SPRING1: variants seen among roughly 807,000 people sequenced by gnomAD.
The protein encoded by SPRING1 is SREBF pathway regulator in golgi 1, also known as SREBP regulating gene protein.
Under a neutral mutation model 24.7 loss-of-function variants are expected in SPRING1, and 14 were observed. The observed-to-expected ratio is 0.57, with a 90% CI of 0.37 to 0.88. SPRING1 has a LOEUF of 0.88. Among genes scored for constraint, SPRING1 ranks in the 40% least tolerant of loss-of-function variants. The pLI is 0.00. For missense variants in SPRING1, 255 were observed against 268.4 expected (o/e 0.95, Z 0.35); for synonymous variants, 93 against 106.1 (o/e 0.88, Z 0.76).
At position 116,713,644 on chromosome 12, in the gene SPRING1, T is replaced by C. The variant is rs1001232821; in HGVS notation, c.*4166A>G. 3 of 152,196 alleles carry C rather than the reference T, an allele frequency of 2.0e-5. No homozygotes were observed. The highest frequency in any genetic ancestry group is 7.2e-5 in the African/African-American group (3 of 41,442). 9.4% of individuals were successfully genotyped at this position (152,196 alleles called of 1,614,324 possible). A position where few individuals can be genotyped will look rare whatever the true frequency, so the allele number is the denominator to read the frequency against. On this transcript the variant is annotated 3_prime_UTR_variant, in exon 5 of 5. Transcript: ENST00000261318. ...TTTATCATCAATGCATTATTTGTAG[T>C]AGCAAAAACAACAAGCAGCCTTGGA...
At chr12:116,735,630 G>T (rs1438426326) in intron 1 of SPRING1, among the ~76,000 whole-genome samples, 5 of 152,068 alleles carry the variant, frequency 3.3e-5, no homozygotes, top group Non-Finnish European at 7.4e-5. Flanking sequence ...TACTCAGGAG[G>T]CTAAGGCAGG....
Position 116,720,580 on chromosome 12 carries a change from G to C in SPRING1, c.269-133C>G. 1 of 1,209,362 alleles carries C rather than the reference G, an allele frequency of 8.3e-7. No individual in the cohort carries two copies. Among genetic ancestry groups the C allele is most frequent in the South Asian group, 1.5e-5 (1 of 68,548 alleles). 74.9% of individuals were successfully genotyped at this position (1,209,362 alleles called of 1,614,324 possible). A position where few individuals can be genotyped will look rare whatever the true frequency, so the allele number is the denominator to read the frequency against. ...GGGGCATCATCCTAAGCACCGGAGAGCTGGAAACTGGACATAATGTGAGTG... is the reference window on the plus strand; with the variant it reads ...GGGGCATCATCCTAAGCACCGGAGACCTGGAAACTGGACATAATGTGAGTG... On this transcript the variant is annotated intron_variant, in intron 2 of 4. Transcript: ENST00000261318. This position sits in a 1 kb window ranked among gnomAD's most constrained non-coding sequence, Gnocchi z 4.0.
intron 3 of SPRING1, 65 bp from the exon 4 acceptor site, chr12:116,719,941 T>G (rs1392956612): frequency 1.4e-6 from 2 of 1,382,610 alleles, no homozygotes; most frequent in African/African-American, 2.8e-5. Context: ...ACCTTGGCTA[T>G]CTCTCCTAAA....
rs1869835405 is a variant in SPRING1, at chr12:116,710,722, G to C, written c.*7088C>G. On this transcript the variant is annotated 3_prime_UTR_variant, in exon 5 of 5. Coordinates refer to ENST00000261318, the MANE Select transcript of SPRING1 (RefSeq NM_024738.4). ...GAGAAGGAGGAAGCCCTGGTTTGGAGAAAAACGGGCTCCAGATGGCTGGGC... is the reference window on the plus strand; with the variant it reads ...GAGAAGGAGGAAGCCCTGGTTTGGACAAAAACGGGCTCCAGATGGCTGGGC... The C allele has an allele frequency of 1.3e-5, 2 of 152,204 alleles. No individual in the cohort carries two copies. The highest frequency in any genetic ancestry group is 1.3e-4 in the Admixed American group (2 of 15,274). 9.4% of individuals were successfully genotyped at this position (152,204 alleles called of 1,614,324 possible).
At chr12:116,730,973 A>G (rs1354110124) in intron 1 of SPRING1, among the ~76,000 whole-genome samples, 1 of 152,256 alleles carries the variant, frequency 6.6e-6, no homozygotes, top group Non-Finnish European at 1.5e-5. Context: ...TTCTTTCAAG[A>G]AAAAATAGTG....
intron 1 of SPRING1, among the ~76,000 whole-genome samples, chr12:116,727,822 T>A (rs545420801): frequency 6.6e-6 from 1 of 152,162 alleles, no homozygotes; most frequent in Non-Finnish European, 1.5e-5. Flanking sequence ...TTAGTGAGAT[T>A]ATGGGTAACT....
intron 1 of SPRING1, among the ~76,000 whole-genome samples, chr12:116,724,616 G>A (rs558322420): frequency 3.9e-5 from 6 of 152,114 alleles, no homozygotes; most frequent in Non-Finnish European, 5.9e-5. Context: ...GGTAAAGGTT[G>A]CAGTGAGCCG....
At chr12:116,734,348 G>A in intron 1 of SPRING1, among the ~76,000 whole-genome samples, 1 of 152,212 alleles carries the variant, frequency 6.6e-6, no homozygotes, top group East Asian at 1.9e-4. Context: ...GCCCAGGGGT[G>A]TAGCAAAATC....
intron 1 of SPRING1, among the ~76,000 whole-genome samples, chr12:116,737,576 G>A (rs1232257134): frequency 1.4e-5 from 2 of 147,476 alleles, no homozygotes; most frequent in Non-Finnish European, 3.0e-5. Flanking sequence ...CAGGGAGAGG[G>A]GAAGGAAGGA....
At position 116,720,512 on chromosome 12, in the gene SPRING1, C is replaced by T. The variant is rs1373332428; in HGVS notation, c.269-65G>A. On this transcript the variant is annotated intron_variant, in intron 2 of 4. Coordinates refer to ENST00000261318, the MANE Select transcript of SPRING1 (RefSeq NM_024738.4). This position sits in a 1 kb window ranked among gnomAD's most constrained non-coding sequence, Gnocchi z 4.0. ...CTTGCCACCTCCCTACCAGGGATGA[C>T]CATGAAGCAGCAGTGAAAGTACACA... 6.4e-6 allele frequency: 10 copies of T among 1,573,160 alleles called. No individual in the cohort carries two copies. The highest frequency in any genetic ancestry group is 6.9e-6 in the Non-Finnish European group (8 of 1,153,800).
At chr12:116,729,298 A>G (rs1407197192) in intron 1 of SPRING1, among the ~76,000 whole-genome samples, 2 of 152,266 alleles carry the variant, frequency 1.3e-5, no homozygotes, top group Non-Finnish European at 2.9e-5. Context: ...CAACTTTTGC[A>G]GAAAATTATG....
In SPRING1 at chr12:116,720,152, T is replaced by C. The variant is rs1055982742; in HGVS notation, c.420+144A>G. 2 of 1,098,072 alleles carry C rather than the reference T, an allele frequency of 1.8e-6. No individual in the cohort carries two copies. The highest frequency in any genetic ancestry group is 2.6e-6 in the Non-Finnish European group (2 of 782,954). The allele number at this position is 1,098,072 out of a possible 1,614,324, so 68.0% of individuals were successfully genotyped here. On this transcript the variant is annotated intron_variant, in intron 3 of 4. Transcript: ENST00000261318. The surrounding 1 kb of genome is among the most constrained non-coding windows in gnomAD (Gnocchi z 4.0). The stretch of plus-strand genomic sequence containing the variant: ...CCACCTCCTTTCCTTAGATAAAAGC[T>C]ATTGTGCAGCAATTTCTGACACCTA...
chr12:116,720,383 C>T lies in SPRING1; in HGVS notation c.333G>A (p.Thr111=), dbSNP rs76041009. 4,998 of 1,614,166 alleles carry T rather than the reference C, an allele frequency of 3.1e-3. 4 individuals are homozygous for T. The highest frequency in any genetic ancestry group is 3.9e-3 in the Non-Finnish European group (4,623 of 1,180,016). Residue 111 remains threonine (T), a synonymous_variant, in exon 3 of 5, where the codon ACG becomes ACA. Transcript: ENST00000261318. This position sits in a 1 kb window ranked among gnomAD's most constrained non-coding sequence, Gnocchi z 4.0. ...AGCAGCCATCACAGCAGTACTGCTT[C>T]GTGCTAGGGACGTTGACATTACAGC... is the stretch of plus-strand genomic sequence containing the variant. ...NGCCNVNVPS[T]KQYCCDGCWP...
chr12:116,729,478 A>C (rs1870869193), intron 1 of SPRING1, among the ~76,000 whole-genome samples: 1 of 152,270 alleles, frequency 6.6e-6, no homozygotes, highest in Non-Finnish European at 1.5e-5. Context: ...TCCTAGGAAT[A>C]TACCAAGAGA....
intron 1 of SPRING1, 78 bp downstream of exon 1, chr12:116,737,712 G>A (rs543522188): frequency 2.1e-4 from 290 of 1,375,016 alleles, no homozygotes; most frequent in African/African-American, 7.6e-4. Context: ...AGGTAACGAA[G>A]GAAGGAAGGA....
At position 116,713,756 on chromosome 12, in the gene SPRING1, C is replaced by T. The variant is rs1231281083; in HGVS notation, c.*4054G>A. On this transcript the variant is annotated 3_prime_UTR_variant, in exon 5 of 5. Transcript: ENST00000261318. ...CATGTGGCCACACAAATGCATTACA[C>T]AGGCCTCTATGTAACATAGGATATT... The T allele has an allele frequency of 6.6e-6, 1 of 152,154 alleles. No individual in the cohort carries two copies. The highest frequency in any genetic ancestry group is 1.5e-5 in the Non-Finnish European group (1 of 68,034). The allele number at this position is 152,154 out of a possible 1,614,324, so 9.4% of individuals were successfully genotyped here.
rs1305597838 is a variant in SPRING1 at position 116,737,837 on chromosome 12, C to A, written c.64G>T (p.Val22Phe). ...AAGTAGACGAGCGACAGCCCGAAGA[C>A]CAGGGCGAGCACCCACCTCTTCCGC... ...LLRKRWVLALVFGLSLVYFLS... is the reference protein window; with the variant it reads ...LLRKRWVLALFFGLSLVYFLS... The change falls in exon 1 of 5, where the codon GTC becomes TTC. Residue 22 changes from valine (V) to phenylalanine (F), a missense_variant. Transcript: ENST00000261318. The A allele has an allele frequency of 6.3e-7, 1 of 1,595,148 alleles. No individual in the cohort carries two copies. The highest frequency in any genetic ancestry group is 2.4e-5 in the East Asian group (1 of 41,368).
chr12:116,737,516 GGGAGGAAGGAAGGA>G (rs1447206899), intron 1 of SPRING1, among the ~76,000 whole-genome samples: 1 of 102,920 alleles, frequency 9.7e-6, no homozygotes, highest in African/African-American at 3.7e-5. Context: ...GAAGGAAAGG[GGGAGGAAGGAAGGA>G]GGAGGAAGGT....
chr12:116,734,069 G>T (rs1871118356), intron 1 of SPRING1, among the ~76,000 whole-genome samples: 1 of 152,120 alleles, frequency 6.6e-6, no homozygotes, highest in African/African-American at 2.4e-5. Context: ...TAGAGATGGG[G>T]TTTTGCCATG....
Sources: allele counts gnomAD v4.1 joint callset (sites outside exome capture counted in the v4.1 genomes callset), GRCh38; gene constraint gnomAD v4.1.1; non-coding constraint Gnocchi (gnomAD v3.1); transcripts MANE v1.5; gene names NCBI Gene and HGNC (gene_info 2026-07-23, HGNC 2026-07-21).